The following KCTD3 variants were observed in gnomAD, a reference collection of about 807,000 sequenced individuals.
KCTD3 encodes the protein BTB/POZ domain-containing protein KCTD3.
Under a neutral mutation model 85.8 loss-of-function variants are expected in KCTD3, and 41 were observed. The ratio of observed to expected loss-of-function variants is 0.48; its 90% CI spans 0.37 to 0.62. KCTD3 has a LOEUF of 0.62. Among genes scored for constraint, KCTD3 ranks in the 20% least tolerant of loss-of-function variants. KCTD3 has a pLI of 0.00. For missense variants in KCTD3, 724 were observed against 989.9 expected, an observed-to-expected ratio of 0.73 and a Z score of 3.60; for synonymous variants, 338 against 345.4, an observed-to-expected ratio of 0.98 and a Z score of 0.24.
In KCTD3 at chr1:215,610,040, C is replaced by T. The variant is rs555159924; in HGVS notation, c.1466-1785C>T. On this transcript the variant is annotated intron_variant, in intron 14 of 17. Transcript: ENST00000259154. ...CAGCCCTGTAAATTAATTATAAAAC[C>T]CAGTAAGATAAAGGGGACAGGGAGG... is the stretch of plus-strand genomic sequence containing the variant. 2.0e-5 allele frequency among the ~76,000 whole-genome samples: 3 copies of T among 151,682 alleles called. No individual in the cohort carries two copies. In the South Asian group the frequency reaches 6.3e-4, roughly 32 times the overall value.
intron 1 of KCTD3, among the ~76,000 whole-genome samples, chr1:215,572,029 G>A (rs967519210): frequency 3.9e-5 from 6 of 152,160 alleles, no homozygotes; most frequent in Admixed American, 3.9e-4. Flanking sequence ...TGCATACACG[G>A]CTTCTGCTGT....
At chr1:215,572,265 T>C (rs1659397542) in intron 1 of KCTD3, among the ~76,000 whole-genome samples, 2 of 152,254 alleles carry the variant, frequency 1.3e-5, no homozygotes, top group Admixed American at 1.3e-4. Flanking sequence ...GGGTGTGTGC[T>C]AGGTGCTAAG....
At chr1:215,592,813 C>T (rs1253491528) in intron 9 of KCTD3, among the ~76,000 whole-genome samples, 1 of 152,070 alleles carries the variant, frequency 6.6e-6, no homozygotes, top group Admixed American at 6.6e-5. Flanking sequence ...TTAGATAAGA[C>T]GAGAGTTACT....
chr1:215,601,311 T>C (rs1454074222), intron 10 of KCTD3, among the ~76,000 whole-genome samples: 1 of 152,240 alleles, frequency 6.6e-6, no homozygotes, highest in East Asian at 1.9e-4. Context: ...AGACTTTGTT[T>C]CCCTTGCCAT....
At chr1:215,614,018 G>GTTTTTTTTTT (rs577770912) in intron 15 of KCTD3, among the ~76,000 whole-genome samples, 2 of 66,288 alleles carry the variant, frequency 3.0e-5, no homozygotes, top group African/African-American at 1.3e-4. Context: ...CTTTAGAATA[G>GTTTTTTTTTT]TTTTTTTTTT....
At chr1:215,612,166 T>C (rs994513463) in intron 15 of KCTD3, among the ~76,000 whole-genome samples, 2 of 152,160 alleles carry the variant, frequency 1.3e-5, no homozygotes, top group Admixed American at 1.3e-4. Context: ...AAGAACACAG[T>C]GAACTTTTTT....
intron 9 of KCTD3, among the ~76,000 whole-genome samples, chr1:215,588,138 A>T (rs942861785): frequency 1.3e-5 from 2 of 152,124 alleles, no homozygotes; most frequent in Non-Finnish European, 2.9e-5. Context: ...TTTTTTGAGG[A>T]TAGTTCTGCC....
rs371879570 is a variant in KCTD3, at chr1:215,567,411, G to A, written c.-275G>A. 2.7e-5 allele frequency: 6 copies of A among 218,352 alleles called. No individual in the cohort carries two copies. The South Asian group carries it at 1.1e-3, about 41-fold the overall frequency. 13.5% of individuals were successfully genotyped at this position (218,352 alleles called of 1,614,324 possible). A position where few individuals can be genotyped will look rare whatever the true frequency, so the allele number is the denominator to read the frequency against. On this transcript the variant is annotated 5_prime_UTR_variant, in exon 1 of 18. Coordinates refer to ENST00000259154, the MANE Select transcript of KCTD3 (RefSeq NM_016121.5). ...GGCGGCGTCGGTGGCAGCGGAGCACGGAGAAGAGGCCCGGGCGGCCCGGCG... is the reference window on the plus strand; with the variant it reads ...GGCGGCGTCGGTGGCAGCGGAGCACAGAGAAGAGGCCCGGGCGGCCCGGCG...
At position 215,603,872 on chromosome 1, in the gene KCTD3, T is replaced by C. The variant is rs569404101; in HGVS notation, c.1139-260T>C. On this transcript the variant is annotated intron_variant, in intron 12 of 17. Transcript: ENST00000259154. ...TACAGAATTAGTGTGTTATAATTAC[T>C]GTGATAGAACCTAATAGTGCAAGGC... Among the ~76,000 whole-genome samples the C allele has an allele frequency of 2.6e-5, 4 of 152,296 alleles. No homozygotes were observed. The South Asian group carries it at 8.3e-4, about 32-fold the overall frequency.
intron 1 of KCTD3, among the ~76,000 whole-genome samples, chr1:215,568,477 G>T: frequency 1.8e-5 from 1 of 56,832 alleles, no homozygotes; most frequent in African/African-American, 7.6e-5. Context: ...TTCTCTTTCT[G>T]GCCTTCCGCC....
At chr1:215,619,846 G>A (rs939644708) in intron 17 of KCTD3, among the ~76,000 whole-genome samples, 3 of 152,004 alleles carry the variant, frequency 2.0e-5, no homozygotes, top group Non-Finnish European at 2.9e-5. Flanking sequence ...CAGCATGTCT[G>A]TGAATATATG....
In KCTD3 at chr1:215,575,032, A is replaced by G. The variant is rs570343322; in HGVS notation, c.184-869A>G. ...TTTAGGAGGTCGAGGCAAGTGGATTACCTGAGGTCAGAAGTTCAAGACCAG... is the reference window on the plus strand; with the variant it reads ...TTTAGGAGGTCGAGGCAAGTGGATTGCCTGAGGTCAGAAGTTCAAGACCAG... On this transcript the variant is annotated intron_variant, in intron 3 of 17. Transcript: ENST00000259154. Among the ~76,000 whole-genome samples the G allele has an allele frequency of 2.0e-4, 30 of 152,238 alleles. No homozygotes were observed. The South Asian group carries it at 5.8e-3, about 29-fold the overall frequency.
chr1:215,589,564 G>C (rs1374508062), intron 9 of KCTD3, among the ~76,000 whole-genome samples: 1 of 152,152 alleles, frequency 6.6e-6, no homozygotes, highest in Non-Finnish European at 1.5e-5. Context: ...CTATAAAGTT[G>C]AGGGAAGATT....
intron 13 of KCTD3, among the ~76,000 whole-genome samples, chr1:215,605,860 G>T (rs1477789908): frequency 1.3e-5 from 2 of 152,042 alleles, no homozygotes; most frequent in Non-Finnish European, 2.9e-5. Flanking sequence ...TGTCAGTCTA[G>T]TGTCTCACGT....
intron 8 of KCTD3, among the ~76,000 whole-genome samples, chr1:215,582,130 TG>T (rs1659846882): frequency 6.6e-6 from 1 of 152,268 alleles, no homozygotes; most frequent in Non-Finnish European, 1.5e-5. Flanking sequence ...TTTACTTTTT[TG>T]TATGTGGTAT....
At chr1:215,598,083 T>G (rs189393880) in intron 10 of KCTD3, among the ~76,000 whole-genome samples, 3 of 152,170 alleles carry the variant, frequency 2.0e-5, no homozygotes, top group Non-Finnish European at 2.9e-5. Context: ...TTGACTAGTT[T>G]GTTTATACAC....
At chr1:215,619,813 T>G (rs1655594201) in intron 17 of KCTD3, among the ~76,000 whole-genome samples, 1 of 151,922 alleles carries the variant, frequency 6.6e-6, no homozygotes, top group Non-Finnish European at 1.5e-5. Context: ...TCCTCCCATC[T>G]TTTTTTTAGC....
At chr1:215,602,858 TAAAAG>T (rs1423425578) in intron 12 of KCTD3, among the ~76,000 whole-genome samples, 1 of 152,186 alleles carries the variant, frequency 6.6e-6, no homozygotes, top group Non-Finnish European at 1.5e-5. Context: ...TTTAAGTTAT[TAAAAG>T]AAACCATAAT....
intron 15 of KCTD3, 61 bp downstream of exon 15, chr1:215,611,982 T>A: frequency 9.0e-7 from 1 of 1,105,686 alleles, no homozygotes; most frequent in South Asian, 1.3e-5. Flanking sequence ...ACAAAACATA[T>A]GGCATAATTT....
Sources: allele counts gnomAD v4.1 joint callset (sites outside exome capture counted in the v4.1 genomes callset), GRCh38; gene constraint gnomAD v4.1.1; transcripts MANE v1.5; gene names NCBI Gene and HGNC (gene_info 2026-07-23, HGNC 2026-07-21).